The following KCNK9 variants were observed in gnomAD, a reference collection of about 807,000 sequenced individuals.
KCNK9 encodes the protein potassium channel subfamily K member 9.
KCNK9 carries 1 observed loss-of-function variant against 10.8 expected under a neutral mutation model. The ratio of observed to expected loss-of-function variants is 0.09; its 90% CI spans 0.03 to 0.44. The LOEUF (loss-of-function observed/expected upper bound fraction) is 0.44, where lower values mean the gene tolerates loss of function less well. Among genes scored for constraint, KCNK9 ranks in the 20% least tolerant of loss-of-function variants. KCNK9 has a pLI of 0.97. For missense variants in KCNK9, 303 were observed against 515.0 expected, an observed-to-expected ratio of 0.59 and a Z score of 3.98; for synonymous variants, 231 against 222.7, an observed-to-expected ratio of 1.04 and a Z score of -0.33.
intron 1 of KCNK9, among the ~76,000 whole-genome samples, chr8:139,666,343 C>CACTG (rs1816300300): frequency 6.6e-6 from 1 of 152,208 alleles, no homozygotes; most frequent in Non-Finnish European, 1.5e-5. Context: ...ATGTACTAAG[C>CACTG]ACGGCGCTAT....
intron 1 of KCNK9, among the ~76,000 whole-genome samples, chr8:139,621,290 CAA>C (rs60686948): frequency 9.9e-5 from 11 of 110,768 alleles, no homozygotes; most frequent in Admixed American, 1.9e-4. Flanking sequence ...GACTCCATCT[CAA>C]AAAAAAAAAA....
chr8:139,667,905 A>G (rs1037064867), intron 1 of KCNK9, among the ~76,000 whole-genome samples: 84 of 151,266 alleles, frequency 5.6e-4, no homozygotes, highest in African/African-American at 1.9e-3. Flanking sequence ...AAAAGATTCC[A>G]TTGCATAGTT....
intron 1 of KCNK9, among the ~76,000 whole-genome samples, chr8:139,682,543 C>T (rs1343115912): frequency 6.6e-6 from 1 of 152,160 alleles, no homozygotes; most frequent in East Asian, 1.9e-4. Context: ...TAGCCTGGGA[C>T]TCAGTCTGCA....
At chr8:139,624,717 T>G (rs757740888) in intron 1 of KCNK9, among the ~76,000 whole-genome samples, 34 of 152,250 alleles carry the variant, frequency 2.2e-4, no homozygotes, top group Non-Finnish European at 3.8e-4. Context: ...GGTCACCTGC[T>G]AAGTGAAGCC....
At chr8:139,649,748 G>GA (rs948167115) in intron 1 of KCNK9, among the ~76,000 whole-genome samples, 2 of 152,148 alleles carry the variant, frequency 1.3e-5, no homozygotes, top group East Asian at 1.9e-4. Context: ...ACCCTGGGGG[G>GA]AAAAAAATTG....
chr8:139,643,445 C>T (rs1815570892), intron 1 of KCNK9, among the ~76,000 whole-genome samples: 1 of 152,224 alleles, frequency 6.6e-6, no homozygotes, highest in Non-Finnish European at 1.5e-5. Context: ...CCAGGGGTCC[C>T]AGGACTCACT....
At chr8:139,657,343 A>G (rs1240825198) in intron 1 of KCNK9, among the ~76,000 whole-genome samples, 1 of 152,202 alleles carries the variant, frequency 6.6e-6, no homozygotes, top group Admixed American at 6.5e-5. Context: ...AATCCAGAAC[A>G]TTAGTCACAG....
In KCNK9 at chr8:139,648,753, C is replaced by G. The variant is rs1035015960; in HGVS notation, c.284-29654G>C. 5.9e-5 allele frequency among the ~76,000 whole-genome samples: 9 copies of G among 152,222 alleles called. No homozygotes were observed. The South Asian group carries it at 1.7e-3, about 28-fold the overall frequency. On this transcript the variant is annotated intron_variant, in intron 1 of 1. Transcript: ENST00000520439. ...AAGAGCCCACCACCAGGCCTCTGGACTCTTATGGGCAGAGTCAGCTGGCAC... is the reference window on the plus strand; with the variant it reads ...AAGAGCCCACCACCAGGCCTCTGGAGTCTTATGGGCAGAGTCAGCTGGCAC...
At chr8:139,688,675 C>T (rs1816872884) in intron 1 of KCNK9, among the ~76,000 whole-genome samples, 1 of 152,218 alleles carries the variant, frequency 6.6e-6, no homozygotes, top group Non-Finnish European at 1.5e-5. Context: ...CCATGGCAGG[C>T]TTCCAGCCTA....
chr8:139,618,426 G>A lies in KCNK9; in HGVS notation c.957C>T (p.Ser319=), dbSNP rs140285421. 206 of 1,614,060 alleles carry A rather than the reference G, an allele frequency of 1.3e-4. No homozygotes were observed. The highest frequency in any genetic ancestry group is 1.2e-4 in the African/African-American group (9 of 74,926). The change falls in exon 2 of 2, where the codon AGC becomes AGT. Residue 319 remains serine, a synonymous_variant. Coordinates refer to ENST00000520439, the MANE Select transcript of KCNK9 (RefSeq NM_001282534.2). This position sits in a 1 kb window ranked among gnomAD's most constrained non-coding sequence, Gnocchi z 7.9. ...GGAAGTAGTGGGGGGCAAGCTTGGC[G>A]CTGAAGGAGTTCTGCGGTGCCACCG... ...GRSVAPQNSF[S]AKLAPHYFHS...
chr8:139,692,226 C>T (rs766749953), intron 1 of KCNK9, among the ~76,000 whole-genome samples: 25 of 152,334 alleles, frequency 1.6e-4, no homozygotes, highest in East Asian at 7.7e-4. Context: ...AAAGACAAAA[C>T]GGCTGTTTGC....
chr8:139,699,583 G>C (rs1488225006), intron 1 of KCNK9, among the ~76,000 whole-genome samples: 1 of 152,208 alleles, frequency 6.6e-6, no homozygotes, highest in East Asian at 1.9e-4. Flanking sequence ...GAAGCAAATG[G>C]GGAGGAATGG....
downstream of KCNK9, among the ~76,000 whole-genome samples, chr8:139,608,894 T>C (rs1362004873): frequency 2.0e-5 from 3 of 152,172 alleles, no homozygotes; most frequent in Non-Finnish European, 1.5e-5. Context: ...GCTGGGCTTT[T>C]GAACTGGGTG....
chr8:139,696,540 A>T lies in KCNK9; in HGVS notation c.283+6170T>A, dbSNP rs780075089. 2.0e-5 allele frequency among the ~76,000 whole-genome samples: 3 copies of T among 152,270 alleles called. No homozygotes were observed. In the South Asian group the frequency reaches 6.2e-4, roughly 32 times the overall value. ...GCCTGCTCACCACCGTGTGCCTCCC[A>T]CCAGCACAGGGCTCCCACCCAGCAC... On this transcript the variant is annotated intron_variant, in intron 1 of 1. Transcript: ENST00000520439.
intron 1 of KCNK9, among the ~76,000 whole-genome samples, chr8:139,663,672 T>TGTG (rs1816224619): frequency 2.6e-5 from 4 of 150,984 alleles, no homozygotes; most frequent in Admixed American, 6.6e-5. Context: ...TGTGTGTGTG[T>TGTG]GTGTGTGTGT....
intron 1 of KCNK9, among the ~76,000 whole-genome samples, chr8:139,623,112 A>G (rs940908924): frequency 1.3e-5 from 2 of 152,212 alleles, no homozygotes; most frequent in Non-Finnish European, 2.9e-5. Flanking sequence ...ATGTCTACAG[A>G]TTGTATGTAG....
chr8:139,620,492 C>T (rs72681239), intron 1 of KCNK9, among the ~76,000 whole-genome samples: 1 of 151,988 alleles, frequency 6.6e-6, no homozygotes, highest in African/African-American at 2.4e-5. Context: ...TAGGGACCTA[C>T]CAGACCCCAG....
In KCNK9 at chr8:139,693,882, T is replaced by C. The variant is rs566814760; in HGVS notation, c.283+8828A>G. Among the ~76,000 whole-genome samples, 234 of 152,128 alleles carry C rather than the reference T, an allele frequency of 1.5e-3. No individual in the cohort carries two copies. Among genetic ancestry groups the C allele is most frequent in the African/African-American group, 5.4e-3 (226 of 41,512 alleles). On this transcript the variant is annotated intron_variant, in intron 1 of 1. Transcript: ENST00000520439. This position sits in a 1 kb window ranked among gnomAD's most constrained non-coding sequence, Gnocchi z 4.1. ...ACTGCAGTGGTGGAGTGGAAGGTGGTGTCCCAGGAAGCCATAGTATCCCAA... is the reference window on the plus strand; with the variant it reads ...ACTGCAGTGGTGGAGTGGAAGGTGGCGTCCCAGGAAGCCATAGTATCCCAA...
rs186197298 is a variant in KCNK9 at position 139,668,717 on chromosome 8, C to T, written c.283+33993G>A. On this transcript the variant is annotated intron_variant, in intron 1 of 1. Coordinates refer to ENST00000520439, the MANE Select transcript of KCNK9 (RefSeq NM_001282534.2). ...GATTACAGGCGTGAGCCACCGCGCCCGTCGTGTAAATGGAACTCTTACATG... is the reference window on the plus strand; with the variant it reads ...GATTACAGGCGTGAGCCACCGCGCCTGTCGTGTAAATGGAACTCTTACATG... Among the ~76,000 whole-genome samples, 319 of 152,318 alleles carry T rather than the reference C, an allele frequency of 2.1e-3. 2 individuals are homozygous for T. The highest frequency in any genetic ancestry group is 7.0e-3 in the African/African-American group (291 of 41,562).
Sources: gnomAD v4.1 joint callset for allele counts (sites outside exome capture counted in the v4.1 genomes callset) on GRCh38, gnomAD v4.1.1 for gene constraint, Gnocchi (gnomAD v3.1) non-coding constraint, MANE v1.5 for transcripts, NCBI Gene and HGNC (gene_info 2026-07-23, HGNC 2026-07-21) for gene names.